Variants in HINT2 observed in about 807,000 individuals in gnomAD.
HINT2 encodes histidine triad nucleotide binding protein 2, also known as adenosine 5'-monophosphoramidase HINT2.
A neutral mutation model predicts 20.0 loss-of-function variants in HINT2; 17 were observed. The observed-to-expected ratio is 0.85, with a 90% CI of 0.58 to 1.27. HINT2 has a LOEUF of 1.27. HINT2 is among the 50% of genes most tolerant of loss of function. The probability of loss-of-function intolerance (pLI) is 0.00; values close to 1 mark genes in which losing one functional copy is unlikely to be tolerated. For missense variants in HINT2, 217 were observed against 211.9 expected, an observed-to-expected ratio of 1.02 and a Z score of -0.15; for synonymous variants, 96 against 84.2, an observed-to-expected ratio of 1.14 and a Z score of -0.77.
chr9:35,813,721 C>CA lies in HINT2; in HGVS notation c.144dup (p.Gly49TrpfsTer19). On this transcript the variant is annotated frameshift_variant, in exon 2 of 5. Coordinates refer to ENST00000259667, the MANE Select transcript of HINT2 (RefSeq NM_032593.3). LOFTEE classifies it high-confidence loss of function. ...GAGAAGATGGTTGGGGCTGCTCCCC[C>CA]AGGAGTTGCCTGCTGGGCCTTGGCC... The CA allele has an allele frequency of 6.2e-7, 1 of 1,614,162 alleles. No homozygotes were observed. Among genetic ancestry groups the CA allele is most frequent in the Non-Finnish European group, 8.5e-7 (1 of 1,180,008 alleles).
chr9:35,814,028 C>T, intron 1 of HINT2: 1 of 514,826 alleles, frequency 1.9e-6, no homozygotes, highest in Non-Finnish European at 3.5e-6. Context: ...CGAAATATAG[C>T]ACTGTTTAGG....
Position 35,814,930 on chromosome 9 carries a change from G to C in HINT2, c.50C>G (p.Ala17Gly), listed in dbSNP as rs1317996074. Residue 17 changes from alanine (A) to glycine (G), a missense_variant, in exon 1 of 5, where the codon GCC (alanine) becomes GGC (glycine). Transcript: ENST00000259667. ...CCCGCGCACCCCCGTGGCCGCCACG[G>C]CTCTGCGCGCCGCGCGCAACCCAGC... ...LAAGLRAARR[A>G]VAATGVRGGQ... The C allele has an allele frequency of 5.5e-5, 82 of 1,486,626 alleles. No individual in the cohort carries two copies. The highest frequency in any genetic ancestry group is 7.3e-5 in the Non-Finnish European group (82 of 1,126,022). The allele number at this position is 1,486,626 out of a possible 1,614,324, so 92.1% of individuals were successfully genotyped here.
intron 1 of HINT2, 157 bp from the exon 2 acceptor site, chr9:35,813,941 G>C: frequency 1.3e-6 from 1 of 745,174 alleles, no homozygotes; most frequent in Non-Finnish European, 2.1e-6. Context: ...GGGCCAGAAG[G>C]TGCTGGACCT....
At chr9:35,814,039 G>GA in intron 1 of HINT2, 3 of 466,314 alleles carry the variant, frequency 6.4e-6, no homozygotes, top group Non-Finnish European at 1.2e-5. Context: ...ACTGTTTAGG[G>GA]AAAGGATCTA....
At position 35,814,913 on chromosome 9, in the gene HINT2, C is replaced by T; in HGVS notation, c.67G>A (p.Val23Met). 1.3e-6 allele frequency: 2 copies of T among 1,486,950 alleles called. No homozygotes were observed. The highest frequency in any genetic ancestry group is 1.8e-6 in the Non-Finnish European group (2 of 1,126,126). The allele number at this position is 1,486,950 out of a possible 1,614,324, so 92.1% of individuals were successfully genotyped here. The change falls in exon 1 of 5, where the codon GTG becomes ATG. Residue 23 changes from valine to methionine, a missense_variant. By Grantham distance (21) the Val-to-Met change is conservative. Transcript: ENST00000259667. ...CCACTTCTCACCTGCCCCCCGCGCA[C>T]CCCCGTGGCCGCCACGGCTCTGCGC... ...AARRAVAATGVRGGQVRGAAG... is the reference protein window; with the variant it reads ...AARRAVAATGMRGGQVRGAAG...
Position 35,814,889 on chromosome 9 carries a change from C to T in HINT2, c.81+10G>A. 1 of 1,489,566 alleles carries T rather than the reference C, an allele frequency of 6.7e-7. No individual in the cohort carries two copies. The highest frequency in any genetic ancestry group is 1.3e-5 in the South Asian group (1 of 79,248). The allele number at this position is 1,489,566 out of a possible 1,614,324, so 92.3% of individuals were successfully genotyped here. On this transcript the variant is annotated intron_variant, in intron 1 of 4. Coordinates refer to ENST00000259667, the MANE Select transcript of HINT2 (RefSeq NM_032593.3). ...CAGGACCCCCTACTCGCTCCCGCGC[C>T]ACTTCTCACCTGCCCCCCGCGCACC...
At chr9:35,814,101 A>G in intron 1 of HINT2, 1 of 270,366 alleles carries the variant, frequency 3.7e-6, no homozygotes, top group African/African-American at 2.2e-5. Flanking sequence ...CATACCACTG[A>G]ATTACCTCAG....
rs755629825 is a variant in HINT2 at position 35,813,101 on chromosome 9, G to A, written c.445C>T (p.His149Tyr). Residue 149 changes from histidine (H) to tyrosine (Y), a missense_variant, in exon 5 of 5, where the codon CAC becomes TAC. His to Tyr is a moderately conservative substitution (Grantham distance 83). Coordinates refer to ENST00000259667, the MANE Select transcript of HINT2 (RefSeq NM_032593.3). ...KLGAQSVYHL[H>Y]IHVLGGRQLQ... ...TGCCGGCCCCCAAGTACATGAATGT[G>A]CAGATGATACACAGATTGTGCACCC... 4.3e-6 allele frequency: 7 copies of A among 1,614,076 alleles called. No individual in the cohort carries two copies. In the Admixed American group the frequency reaches 8.3e-5, roughly 19 times the overall value.
chr9:35,814,704 G>A, intron 1 of HINT2, 195 bp downstream of exon 1: 1 of 536,518 alleles, frequency 1.9e-6, no homozygotes, highest in Admixed American at 4.3e-5. Context: ...GGCCTGCGCA[G>A]GGCGGGAATC....
Position 35,813,263 on chromosome 9 carries a change from C to A in HINT2, c.400+3G>T, listed in dbSNP as rs768756112. The A allele has an allele frequency of 6.2e-7, 1 of 1,614,186 alleles. No homozygotes were observed. Among genetic ancestry groups the A allele is most frequent in the East Asian group, 2.2e-5 (1 of 44,890 alleles). ...GAGGGACCAAGGGCCAAAAGTCACT[C>A]ACCAAGTCGGTATCCATCTCCCAGG... is the stretch of plus-strand genomic sequence containing the variant. On this transcript the variant is annotated splice_donor_region_variant and intron_variant, in intron 4 of 4. Coordinates refer to ENST00000259667, the MANE Select transcript of HINT2 (RefSeq NM_032593.3).
In HINT2 at chr9:35,814,244, C is replaced by T. The variant is rs553545341; in HGVS notation, c.82-460G>A. On this transcript the variant is annotated intron_variant, in intron 1 of 4. Transcript: ENST00000259667. ...TTATTTCCGTTACTTGTTTTCTGAT[C>T]TTTAAGCCTTGTCGCCTGTTTTATT... 188 of 160,136 alleles carry T rather than the reference C, an allele frequency of 1.2e-3. 4 individuals carry two copies. In the South Asian group the frequency reaches 0.013, roughly 11 times the overall value. 9.9% of individuals were successfully genotyped at this position (160,136 alleles called of 1,614,324 possible).
Position 35,813,110 on chromosome 9 carries a change from A to G in HINT2, c.436T>C (p.Tyr146His), listed in dbSNP as rs1487479783. 6.2e-7 allele frequency: 1 copy of G among 1,614,216 alleles called. No homozygotes were observed. Among genetic ancestry groups the G allele is most frequent in the South Asian group, 1.1e-5 (1 of 91,086 alleles). ...CCAAGTACATGAATGTGCAGATGAT[A>G]CACAGATTGTGCACCCAGCTTCCCA... ...NDGKLGAQSVYHLHIHVLGGR... is the reference protein window; with the variant it reads ...NDGKLGAQSVHHLHIHVLGGR... The change falls in exon 5 of 5, where the codon TAT becomes CAT. Residue 146 changes from tyrosine to histidine, a missense_variant. Transcript: ENST00000259667.
At chr9:35,815,053 G>A (rs1828987315), upstream of HINT2, 2 of 1,300,714 alleles carry the variant, frequency 1.5e-6, no homozygotes, top group Non-Finnish European at 9.9e-7. Context: ...GGGGACTCCG[G>A]GCGCGGGGAA....
chr9:35,814,295 T>G (rs1288309633), intron 1 of HINT2: 3 of 156,234 alleles, frequency 1.9e-5, no homozygotes, highest in African/African-American at 7.2e-5. Flanking sequence ...TCGCCCTGTT[T>G]GACACTAGTT....
intron 1 of HINT2, 182 bp downstream of exon 1, chr9:35,814,717 C>T: frequency 1.8e-6 from 1 of 558,556 alleles, no homozygotes. Context: ...CGGGAATCAG[C>T]ACCAGCTCGT....
At chr9:35,814,176 G>T in intron 1 of HINT2, 1 of 178,334 alleles carries the variant, frequency 5.6e-6, no homozygotes, top group South Asian at 1.3e-4. Context: ...TCTTGCGATG[G>T]CTTGAATCTC....
upstream of HINT2, chr9:35,815,225 C>G (rs150674252): frequency 2.1e-4 from 92 of 444,810 alleles, no homozygotes; most frequent in East Asian, 3.3e-3. Context: ...TTGGTTTCGT[C>G]TTCTAGTCCG....
At position 35,814,916 on chromosome 9, in the gene HINT2, C is replaced by T. The variant is rs1828981508; in HGVS notation, c.64G>A (p.Gly22Arg). 1 of 1,487,510 alleles carries T rather than the reference C, an allele frequency of 6.7e-7. No individual in the cohort carries two copies. The highest frequency in any genetic ancestry group is 2.9e-5 in the East Asian group (1 of 34,148). 92.1% of individuals were successfully genotyped at this position (1,487,510 alleles called of 1,614,324 possible). A position where few individuals can be genotyped will look rare whatever the true frequency, so the allele number is the denominator to read the frequency against. Residue 22 changes from glycine (G) to arginine (R), a missense_variant, in exon 1 of 5, where the codon GGG (glycine) becomes AGG (arginine). Coordinates refer to ENST00000259667, the MANE Select transcript of HINT2 (RefSeq NM_032593.3). ...RAARRAVAAT[G>R]VRGGQVRGAA... Reference sequence around the variant, plus strand: ...CTTCTCACCTGCCCCCCGCGCACCCCCGTGGCCGCCACGGCTCTGCGCGCC... The same window carrying T: ...CTTCTCACCTGCCCCCCGCGCACCCTCGTGGCCGCCACGGCTCTGCGCGCC...
chr9:35,813,618 G>C, intron 2 of HINT2, 26 bp downstream of exon 2: 1 of 1,614,086 alleles, frequency 6.2e-7, no homozygotes, highest in Non-Finnish European at 8.5e-7. Context: ...ACATTCCTAA[G>C]GGGATAGGTC....
Sources: allele counts gnomAD v4.1 joint callset, GRCh38; gene constraint gnomAD v4.1.1; transcripts MANE v1.5; gene names NCBI Gene and HGNC (gene_info 2026-07-23, HGNC 2026-07-21).